The following SLC7A2 variants were observed in gnomAD, a reference collection of about 807,000 sequenced individuals.
SLC7A2 encodes the protein cationic amino acid transporter 2.
A neutral mutation model predicts 58.9 loss-of-function variants in SLC7A2; 48 were observed. The ratio of observed to expected loss-of-function variants is 0.82; its 90% CI spans 0.65 to 1.04. The LOEUF (loss-of-function observed/expected upper bound fraction) is 1.04, where lower values mean the gene tolerates loss of function less well. Among genes scored for constraint, SLC7A2 ranks in the 50% least tolerant of loss-of-function variants. The pLI is 0.00. For synonymous variants in SLC7A2, 363 were observed against 314.5 expected (o/e 1.15, Z -1.63); for missense variants, 1,029 against 818.8 (o/e 1.26, Z -3.13).
intron 4 of SLC7A2, among the ~76,000 whole-genome samples, chr8:17,545,876 A>G (rs1374439431): frequency 6.6e-6 from 1 of 152,224 alleles, no homozygotes; most frequent in African/African-American, 2.4e-5. Context: ...AGAGTGAGAC[A>G]GAAATATCTT....
At chr8:17,527,939 A>G (rs1801283904) in intron 2 of SLC7A2, among the ~76,000 whole-genome samples, 2 of 152,174 alleles carry the variant, frequency 1.3e-5, no homozygotes, top group African/African-American at 4.8e-5. Context: ...GGATTTTTTT[A>G]TGTGACATAA....
At position 17,565,874 on chromosome 8, in the gene SLC7A2, C is replaced by T. The variant is rs1453248987; in HGVS notation, c.*728C>T. Reference sequence around the variant, plus strand: ...TGGCATCCTTTTGAACTTTTGTCTCCTTTGCAAACAGTGGTCCTAAAATAC... The same window carrying T: ...TGGCATCCTTTTGAACTTTTGTCTCTTTTGCAAACAGTGGTCCTAAAATAC... On this transcript the variant is annotated 3_prime_UTR_variant, in exon 13 of 13. Transcript: ENST00000494857. The T allele has an allele frequency of 6.6e-6, 1 of 152,222 alleles. No individual in the cohort carries two copies. Among genetic ancestry groups the T allele is most frequent in the African/African-American group, 2.4e-5 (1 of 41,452 alleles). 9.4% of individuals were successfully genotyped at this position (152,222 alleles called of 1,614,324 possible). A position where few individuals can be genotyped will look rare whatever the true frequency, so the allele number is the denominator to read the frequency against.
chr8:17,499,711 A>G (rs1245004918), intron 1 of SLC7A2, among the ~76,000 whole-genome samples: 1 of 151,942 alleles, frequency 6.6e-6, no homozygotes, highest in Non-Finnish European at 1.5e-5. Flanking sequence ...ATCCTGAAAA[A>G]CTTAGTTAAC....
chr8:17,519,808 C>T (rs1800942369), intron 2 of SLC7A2, among the ~76,000 whole-genome samples: 1 of 151,402 alleles, frequency 6.6e-6, no homozygotes, highest in Non-Finnish European at 1.5e-5. Flanking sequence ...TTCATCTTGC[C>T]AAGCAGACTT....
intron 3 of SLC7A2, among the ~76,000 whole-genome samples, 172 bp downstream of exon 3, chr8:17,543,887 TA>T (rs1563465885): frequency 1.3e-5 from 2 of 152,080 alleles, no homozygotes; most frequent in Non-Finnish European, 2.9e-5. Context: ...GGGTTTTTTT[TA>T]AGACAGTCTC....
At chr8:17,563,418 G>C (rs1803114763) in intron 11 of SLC7A2, among the ~76,000 whole-genome samples, 185 bp from the exon 12 acceptor site, 1 of 152,158 alleles carries the variant, frequency 6.6e-6, no homozygotes, top group Admixed American at 6.5e-5. Flanking sequence ...ATCCCCTGGT[G>C]CCTTGAGCTT....
intron 2 of SLC7A2, among the ~76,000 whole-genome samples, chr8:17,542,802 T>G (rs1295849661): frequency 1.3e-5 from 2 of 152,010 alleles, no homozygotes; most frequent in African/African-American, 4.8e-5. Flanking sequence ...CCTTAGGAAA[T>G]TTTTAGCTTG....
intron 2 of SLC7A2, among the ~76,000 whole-genome samples, chr8:17,505,779 C>G (rs1800341198): frequency 6.6e-6 from 1 of 152,132 alleles, no homozygotes; most frequent in Admixed American, 6.5e-5. Context: ...CAATGTCAGT[C>G]TGATACGGAT....
At chr8:17,546,060 A>T (rs1156241178) in intron 4 of SLC7A2, among the ~76,000 whole-genome samples, 1 of 152,220 alleles carries the variant, frequency 6.6e-6, no homozygotes, top group East Asian at 1.9e-4. Flanking sequence ...AGTTGCACCA[A>T]TTGTTTTTCA....
At chr8:17,553,236 A>G (rs892104990) in intron 7 of SLC7A2, among the ~76,000 whole-genome samples, 6 of 152,116 alleles carry the variant, frequency 3.9e-5, no homozygotes, top group Non-Finnish European at 7.4e-5. Context: ...TTTTCTATAG[A>G]GAGGAGGTCT....
At chr8:17,503,293 G>A (rs963747068) in intron 2 of SLC7A2, among the ~76,000 whole-genome samples, 1 of 152,004 alleles carries the variant, frequency 6.6e-6, no homozygotes, top group Non-Finnish European at 1.5e-5. Context: ...CTCATGATCT[G>A]CCCGCCTCGG....
rs1252871031 is a variant in SLC7A2, at chr8:17,538,694, A to G, written c.-22-4624A>G. ...TAGAAACGTTGGGTTTGGACATTGC[A>G]AAATAAAAAAGATCTAGGGCAAAAA... On this transcript the variant is annotated intron_variant, in intron 2 of 12. Coordinates refer to ENST00000494857, the MANE Select transcript of SLC7A2 (RefSeq NM_001370338.1). The G allele has an allele frequency of 3.1e-5, 34 of 1,103,810 alleles. No homozygotes were observed. In the Admixed American group the frequency reaches 1.0e-3, roughly 33 times the overall value. 68.4% of individuals were successfully genotyped at this position (1,103,810 alleles called of 1,614,324 possible). A position where few individuals can be genotyped will look rare whatever the true frequency, so the allele number is the denominator to read the frequency against.
intron 2 of SLC7A2, among the ~76,000 whole-genome samples, chr8:17,532,086 C>T (rs1801472503): frequency 6.6e-6 from 1 of 151,708 alleles, no homozygotes; most frequent in South Asian, 2.1e-4. Flanking sequence ...CAAAAATTAG[C>T]CAGGTGTGGT....
intron 2 of SLC7A2, among the ~76,000 whole-genome samples, chr8:17,519,263 A>G (rs1214353889): frequency 1.3e-5 from 2 of 152,206 alleles, no homozygotes; most frequent in Non-Finnish European, 2.9e-5. Flanking sequence ...TATATATGTA[A>G]TACACTTAGC....
chr8:17,524,349 C>G (rs555080927), intron 2 of SLC7A2, among the ~76,000 whole-genome samples: 20 of 151,652 alleles, frequency 1.3e-4, no homozygotes, highest in Non-Finnish European at 2.6e-4. Flanking sequence ...AATGTGGAAT[C>G]AGCTCAAAAA....
chr8:17,500,736 C>G (rs1360287955), intron 1 of SLC7A2: 1 of 152,150 alleles, frequency 6.6e-6, no homozygotes, highest in Non-Finnish European at 1.5e-5. Flanking sequence ...TTTCGGTGAG[C>G]CGAGATCGTG....
chr8:17,519,308 G>C (rs1378784983), intron 2 of SLC7A2, among the ~76,000 whole-genome samples: 1 of 152,194 alleles, frequency 6.6e-6, no homozygotes, highest in Non-Finnish European at 1.5e-5. Context: ...CTTGATAAAT[G>C]TTAGCTCTCA....
upstream of SLC7A2, among the ~76,000 whole-genome samples, chr8:17,496,055 A>G (rs1370269956): frequency 6.6e-6 from 1 of 152,264 alleles, no homozygotes; most frequent in African/African-American, 2.4e-5. Flanking sequence ...GCACTTTGCC[A>G]AAGTTATTAC....
At chr8:17,524,743 C>T (rs937288333) in intron 2 of SLC7A2, among the ~76,000 whole-genome samples, 2 of 151,782 alleles carry the variant, frequency 1.3e-5, no homozygotes, top group South Asian at 2.1e-4. Flanking sequence ...CTGAAATCAC[C>T]GCTGAAGAAC....
Sources: allele counts gnomAD v4.1 joint callset (sites outside exome capture counted in the v4.1 genomes callset), GRCh38; gene constraint gnomAD v4.1.1; transcripts MANE v1.5; gene names NCBI Gene and HGNC (gene_info 2026-07-23, HGNC 2026-07-21).